RPS6KC1: variants seen among roughly 807,000 people sequenced by gnomAD.
The protein encoded by RPS6KC1 is inactive ribosomal protein S6 kinase delta-1.
Under a neutral mutation model 103.8 loss-of-function variants are expected in RPS6KC1, and 54 were observed. The ratio of observed to expected loss-of-function variants is 0.52; its 90% CI spans 0.42 to 0.65. The LOEUF (loss-of-function observed/expected upper bound fraction) is 0.65. Ranked by LOEUF, RPS6KC1 falls within the 30% of genes least tolerant of loss-of-function variation. The pLI, the probability that RPS6KC1 is intolerant of heterozygous loss-of-function variation, is 0.00. For synonymous variants in RPS6KC1, 439 were observed against 438.7 expected (o/e 1.00, Z -0.01); for missense variants, 1,151 against 1,253.8 (o/e 0.92, Z 1.24).
chr1:213,151,841 A>C (rs1213787311), intron 6 of RPS6KC1, among the ~76,000 whole-genome samples: 23 of 63,540 alleles, frequency 3.6e-4, no homozygotes, highest in South Asian at 6.2e-4. Context: ...TGACCCCCCC[A>C]CCTCCCTCCC....
chr1:213,181,334 A>T (rs1195527188), intron 8 of RPS6KC1, among the ~76,000 whole-genome samples: 1 of 152,262 alleles, frequency 6.6e-6, no homozygotes. Context: ...CACACTTTGT[A>T]AGTCTATGAC....
chr1:213,397,518 G>C, the RPS6KC1 span, among the ~76,000 whole-genome samples: 1 of 151,134 alleles, frequency 6.6e-6, no homozygotes, highest in Non-Finnish European at 1.5e-5. Context: ...CAGCACCAAG[G>C]GTGGTCCTGA....
At chr1:213,643,356 A>G in the RPS6KC1 span, among the ~76,000 whole-genome samples, 1 of 151,786 alleles carries the variant, frequency 6.6e-6, no homozygotes, top group African/African-American at 2.4e-5. Flanking sequence ...AAGGTTTTGC[A>G]TACACCTTAT....
chr1:213,400,738 G>A, the RPS6KC1 span, among the ~76,000 whole-genome samples: 3 of 149,490 alleles, frequency 2.0e-5, no homozygotes, highest in Admixed American at 6.7e-5. Flanking sequence ...ACAGAGTCTC[G>A]CTCTGTCACC....
chr1:213,651,531 T>A, the RPS6KC1 span, among the ~76,000 whole-genome samples: 16 of 152,344 alleles, frequency 1.1e-4, no homozygotes, highest in South Asian at 3.1e-3. Flanking sequence ...TCTATTCTGA[T>A]GGCTCAATAT....
chr1:213,201,165 A>T lies in RPS6KC1; in HGVS notation c.1044+24673A>T, dbSNP rs538404483. On this transcript the variant is annotated intron_variant, in intron 8 of 14. Coordinates refer to ENST00000366960, the MANE Select transcript of RPS6KC1 (RefSeq NM_012424.6). ...TACAGTATCCTGCACAAGGATGTTT[A>T]TAGCCACTTTATTCATAATTGCCAA... 7.2e-5 allele frequency among the ~76,000 whole-genome samples: 11 copies of T among 152,328 alleles called. No homozygotes were observed. In the South Asian group the frequency reaches 2.1e-3, roughly 29 times the overall value.
chr1:213,096,621 C>T (rs757523126), intron 3 of RPS6KC1, among the ~76,000 whole-genome samples: 2 of 151,732 alleles, frequency 1.3e-5, no homozygotes, highest in Admixed American at 6.6e-5. Flanking sequence ...TTTGAGATTG[C>T]GCTACTGTAC....
Position 213,175,463 on chromosome 1 carries a change from A to G in RPS6KC1, c.952-937A>G, listed in dbSNP as rs556461747. Reference sequence around the variant, plus strand: ...ATAAGGTCTGCTCTAAGTAAGTAATAAGGCTTTGTGTCTCCTGTTGTCCTT... The same window carrying G: ...ATAAGGTCTGCTCTAAGTAAGTAATGAGGCTTTGTGTCTCCTGTTGTCCTT... On this transcript the variant is annotated intron_variant, in intron 7 of 14. Transcript: ENST00000366960. Among the ~76,000 whole-genome samples, 72 of 152,310 alleles carry G rather than the reference A, an allele frequency of 4.7e-4. 4 individuals are homozygous for G. Among genetic ancestry groups the G allele is most frequent in the East Asian group, 2.7e-3 (14 of 5,184 alleles).
At chr1:213,660,706 CT>C in the RPS6KC1 span, among the ~76,000 whole-genome samples, 1 of 138,680 alleles carries the variant, frequency 7.2e-6, no homozygotes, top group Non-Finnish European at 1.6e-5. Context: ...TTATCCCTTT[CT>C]TTACTCTTCA....
At chr1:213,414,798 G>C in the RPS6KC1 span, among the ~76,000 whole-genome samples, 1 of 151,774 alleles carries the variant, frequency 6.6e-6, no homozygotes, top group Non-Finnish European at 1.5e-5. Flanking sequence ...GGAAGCAGGA[G>C]GGGGTTTTAG....
chr1:213,054,506 C>T (rs531464501), intron 1 of RPS6KC1, among the ~76,000 whole-genome samples: 53 of 152,246 alleles, frequency 3.5e-4, no homozygotes, highest in Non-Finnish European at 6.5e-4. Context: ...CCTGAGAGAA[C>T]TTCATGAGAT....
At chr1:213,632,978 T>C in the RPS6KC1 span, among the ~76,000 whole-genome samples, 1 of 151,740 alleles carries the variant, frequency 6.6e-6, no homozygotes, top group Admixed American at 6.6e-5. Flanking sequence ...TTAAATAAAG[T>C]GAGGAGAGAA....
chr1:213,719,019 G>C, the RPS6KC1 span, among the ~76,000 whole-genome samples: 3 of 152,214 alleles, frequency 2.0e-5, no homozygotes, highest in Non-Finnish European at 4.4e-5. Context: ...GCAAACACCT[G>C]AGGGGCAGAG....
At chr1:213,793,273 C>T in the RPS6KC1 span, among the ~76,000 whole-genome samples, 2 of 152,190 alleles carry the variant, frequency 1.3e-5, no homozygotes, top group Non-Finnish European at 2.9e-5. Context: ...TGGGTCCTCA[C>T]GTAGGTGAAA....
the RPS6KC1 span, among the ~76,000 whole-genome samples, chr1:213,325,464 T>C: frequency 6.6e-6 from 1 of 152,212 alleles, no homozygotes; most frequent in Non-Finnish European, 1.5e-5. Context: ...CCGCAGTGGT[T>C]TGCAGGGAAT....
At chr1:213,118,233 C>G (rs574187494) in intron 5 of RPS6KC1, among the ~76,000 whole-genome samples, 1 of 150,950 alleles carries the variant, frequency 6.6e-6, no homozygotes, top group African/African-American at 2.4e-5. Context: ...TTGTTTTATT[C>G]TTCTATTAAG....
At chr1:213,506,187 C>T in the RPS6KC1 span, among the ~76,000 whole-genome samples, 1 of 152,184 alleles carries the variant, frequency 6.6e-6, no homozygotes, top group Non-Finnish European at 1.5e-5. Flanking sequence ...CATTGCTGTC[C>T]TTTCTTCTGA....
chr1:213,712,465 A>T, the RPS6KC1 span, among the ~76,000 whole-genome samples: 4 of 152,154 alleles, frequency 2.6e-5, no homozygotes, highest in Non-Finnish European at 5.9e-5. Flanking sequence ...TGGGGGTGGG[A>T]TCCACTGAGC....
At chr1:213,757,474 G>T in the RPS6KC1 span, among the ~76,000 whole-genome samples, 1 of 152,214 alleles carries the variant, frequency 6.6e-6, no homozygotes, top group East Asian at 1.9e-4. Flanking sequence ...AAGCTCTAAT[G>T]CTCTTCAATT....
Sources: allele counts gnomAD v4.1 joint callset (sites outside exome capture counted in the v4.1 genomes callset), GRCh38; gene constraint gnomAD v4.1.1; transcripts MANE v1.5; gene names NCBI Gene and HGNC (gene_info 2026-07-23, HGNC 2026-07-21).